LRRC4C: variants seen among roughly 807,000 people sequenced by gnomAD.
LRRC4C encodes the protein leucine rich repeat containing 4C.
LRRC4C carries 5 observed loss-of-function variants against 33.6 expected under a neutral mutation model. That is an observed-to-expected ratio of 0.15 (90% CI 0.08 to 0.31). The LOEUF is 0.31. Among genes scored for constraint, LRRC4C ranks in the 10% least tolerant of loss-of-function variants. The pLI is 1.00. For synonymous variants in LRRC4C, 329 were observed against 302.0 expected, an observed-to-expected ratio of 1.09 and a Z score of -0.93; for missense variants, 560 against 796.7, an observed-to-expected ratio of 0.70 and a Z score of 3.58.
intron 3 of LRRC4C, among the ~76,000 whole-genome samples, chr11:40,516,792 G>A (rs1008885893): frequency 2.0e-5 from 3 of 152,068 alleles, no homozygotes; most frequent in African/African-American, 7.2e-5. Flanking sequence ...GTTGGAGTTG[G>A]CATAGGACCC....
chr11:40,124,599 A>T (rs1856067616), intron 6 of LRRC4C, among the ~76,000 whole-genome samples: 1 of 152,198 alleles, frequency 6.6e-6, no homozygotes, highest in South Asian at 2.1e-4. Flanking sequence ...GTGAGAGCTA[A>T]AAAGTAAAAC....
At chr11:40,324,779 AG>A (rs1313778355) in intron 3 of LRRC4C, among the ~76,000 whole-genome samples, 1 of 152,222 alleles carries the variant, frequency 6.6e-6, no homozygotes, top group Non-Finnish European at 1.5e-5. Flanking sequence ...TGATGTGATA[AG>A]GACAAGGTTG....
intron 5 of LRRC4C, among the ~76,000 whole-genome samples, chr11:40,212,673 T>C (rs1052213914): frequency 2.6e-5 from 4 of 152,164 alleles, no homozygotes; most frequent in Non-Finnish European, 5.9e-5. Context: ...TATTAAATTA[T>C]GTAAACAACA....
intron 1 of LRRC4C, among the ~76,000 whole-genome samples, chr11:41,438,305 A>G (rs1004451893): frequency 3.8e-4 from 58 of 152,090 alleles, no homozygotes; most frequent in Non-Finnish European, 1.3e-4. Flanking sequence ...ACACTAGATG[A>G]AAAAGATCTC....
chr11:40,758,218 C>T lies in LRRC4C; in HGVS notation c.-406-109940G>A, dbSNP rs536425101. 5.9e-5 allele frequency among the ~76,000 whole-genome samples: 9 copies of T among 151,998 alleles called. No homozygotes were observed. The East Asian group carries it at 1.4e-3, about 23-fold the overall frequency. On this transcript the variant is annotated intron_variant, in intron 2 of 6. Transcript: ENST00000528697. ...ATAAATTATATGGGATGCTTGTCTCCGAGGAGCTATGTTCTATTGAGTAAC... is the reference window on the plus strand; with the variant it reads ...ATAAATTATATGGGATGCTTGTCTCTGAGGAGCTATGTTCTATTGAGTAAC...
chr11:41,197,513 T>C (rs1565471755), intron 1 of LRRC4C, among the ~76,000 whole-genome samples: 1 of 152,034 alleles, frequency 6.6e-6, no homozygotes, highest in Non-Finnish European at 1.5e-5. Flanking sequence ...TCCCCAGAGA[T>C]ACTCAAAAAC....
At chr11:41,134,373 G>A (rs1943161264) in intron 1 of LRRC4C, among the ~76,000 whole-genome samples, 3 of 152,084 alleles carry the variant, frequency 2.0e-5, no homozygotes, top group Admixed American at 1.3e-4. Context: ...CAACATGTCA[G>A]GCACAGTGGC....
intron 1 of LRRC4C, among the ~76,000 whole-genome samples, chr11:41,179,606 T>A (rs930841783): frequency 2.0e-4 from 30 of 152,210 alleles, no homozygotes; most frequent in African/African-American, 7.0e-4. Flanking sequence ...ACAGACTTAG[T>A]CTTTGGTTCA....
At chr11:40,807,718 T>A (rs778045935) in intron 2 of LRRC4C, among the ~76,000 whole-genome samples, 3 of 152,230 alleles carry the variant, frequency 2.0e-5, no homozygotes, top group Non-Finnish European at 4.4e-5. Context: ...AGATACAGCA[T>A]CTCATGCTTA....
At chr11:40,361,834 G>T (rs1947966509) in intron 3 of LRRC4C, among the ~76,000 whole-genome samples, 1 of 152,146 alleles carries the variant, frequency 6.6e-6, no homozygotes, top group Non-Finnish European at 1.5e-5. Flanking sequence ...AACAAAGCTG[G>T]AGACATCATG....
chr11:40,362,349 T>A (rs967414599), intron 3 of LRRC4C, among the ~76,000 whole-genome samples: 4 of 151,792 alleles, frequency 2.6e-5, no homozygotes, highest in Admixed American at 6.6e-5. Flanking sequence ...TAGAAAAAAA[T>A]TTGCAAATTA....
At position 40,670,985 on chromosome 11, in the gene LRRC4C, A is replaced by G. The variant is rs541399592; in HGVS notation, c.-406-22707T>C. Among the ~76,000 whole-genome samples the G allele has an allele frequency of 2.6e-4, 40 of 152,170 alleles. No homozygotes were observed. In the South Asian group the frequency reaches 5.4e-3, roughly 21 times the overall value. On this transcript the variant is annotated intron_variant, in intron 2 of 6. Transcript: ENST00000528697. ...TCACCGTGTTAGCCAGGATTGTCTC[A>G]ATCTCCTGACCTCGTGATCCGCCCG...
chr11:41,419,003 T>C (rs1954784867), intron 1 of LRRC4C, among the ~76,000 whole-genome samples: 1 of 151,954 alleles, frequency 6.6e-6, no homozygotes, highest in African/African-American at 2.4e-5. Flanking sequence ...TGCCCAGTGT[T>C]GTATCATACT....
At chr11:40,965,926 G>A (rs1005044753) in intron 1 of LRRC4C, among the ~76,000 whole-genome samples, 3 of 152,068 alleles carry the variant, frequency 2.0e-5, no homozygotes, top group Admixed American at 2.0e-4. Flanking sequence ...GTAGCTTGAT[G>A]GGGATGTCCT....
chr11:40,518,279 G>A (rs1028687803), intron 3 of LRRC4C, among the ~76,000 whole-genome samples: 1 of 152,118 alleles, frequency 6.6e-6, no homozygotes, highest in Admixed American at 6.5e-5. Flanking sequence ...TTAAACTAAA[G>A]AGCTTCTGCA....
intron 1 of LRRC4C, among the ~76,000 whole-genome samples, chr11:40,950,175 A>C (rs995601234): frequency 2.6e-5 from 4 of 151,970 alleles, no homozygotes; most frequent in Non-Finnish European, 5.9e-5. Context: ...CACTGACATG[A>C]AAGGAGGTAA....
chr11:40,460,707 G>A (rs1952352418), intron 3 of LRRC4C, among the ~76,000 whole-genome samples: 1 of 152,124 alleles, frequency 6.6e-6, no homozygotes, highest in Non-Finnish European at 1.5e-5. Context: ...TCCAGCTATA[G>A]CTATGCACCA....
chr11:40,231,813 A>G (rs1317766782), intron 5 of LRRC4C, among the ~76,000 whole-genome samples: 1 of 152,234 alleles, frequency 6.6e-6, no homozygotes, highest in African/African-American at 2.4e-5. Context: ...TTGCATGCAC[A>G]GATATAGCTA....
intron 4 of LRRC4C, among the ~76,000 whole-genome samples, chr11:40,252,380 C>A (rs1490900233): frequency 6.6e-6 from 1 of 151,808 alleles, no homozygotes; most frequent in Non-Finnish European, 1.5e-5. Context: ...AACATATACT[C>A]TCCCAACACA....
Sources: allele counts gnomAD v4.1 joint callset (sites outside exome capture counted in the v4.1 genomes callset), GRCh38; gene constraint gnomAD v4.1.1; transcripts MANE v1.5; gene names NCBI Gene and HGNC (gene_info 2026-07-23, HGNC 2026-07-21).